Variants in ZGRF1 observed in about 807,000 individuals in gnomAD.
ZGRF1 encodes the protein zinc finger GRF-type containing 1.
Under a neutral mutation model 203.5 loss-of-function variants are expected in ZGRF1, and 196 were observed. That is an observed-to-expected ratio of 0.96 (90% CI 0.86 to 1.08). The LOEUF is 1.08. Among genes scored for constraint, ZGRF1 ranks in the 50% least tolerant of loss-of-function variants. The pLI is 0.00. For missense variants in ZGRF1, 2,326 were observed against 2,416.3 expected, an observed-to-expected ratio of 0.96 and a Z score of 0.78; for synonymous variants, 809 against 841.3, an observed-to-expected ratio of 0.96 and a Z score of 0.66.
chr4:112,598,271 T>C (rs1477572307), intron 10 of ZGRF1, among the ~76,000 whole-genome samples: 1 of 152,006 alleles, frequency 6.6e-6, no homozygotes. Flanking sequence ...TATTAAGGAG[T>C]ATTTTATACA....
intron 24 of ZGRF1, chr4:112,546,803 A>G (rs960810452): frequency 9.2e-5 from 14 of 152,336 alleles, no homozygotes; most frequent in African/African-American, 3.4e-4. Context: ...CGAAGCAAGA[A>G]GGCCCCTGCC....
Position 112,623,866 on chromosome 4 carries a change from T to C in ZGRF1, c.113A>G (p.Tyr38Cys). ...CTCCAAACATGCTCCTTTGTCATCA[T>C]ATAAAATTGCCTGTATGAAAACAAA... is the stretch of plus-strand genomic sequence containing the variant. The part of the protein sequence containing the change: ...ITHLGNKAIL[Y>C]DDKGACLESL... The change falls in exon 4 of 28, where the codon TAT (tyrosine) becomes TGT (cysteine). Residue 38 changes from tyrosine to cysteine, a missense_variant. Physicochemically the swap from Tyr to Cys is radical, Grantham distance 194. Transcript: ENST00000505019. The C allele has an allele frequency of 3.8e-6, 6 of 1,576,260 alleles. No homozygotes were observed. Among genetic ancestry groups the C allele is most frequent in the Non-Finnish European group, 5.2e-6 (6 of 1,150,596 alleles).
chr4:112,625,507 A>T (rs779451918), intron 3 of ZGRF1, among the ~76,000 whole-genome samples: 9 of 136,838 alleles, frequency 6.6e-5, no homozygotes, highest in Non-Finnish European at 1.4e-4. Context: ...ATGGCGTGAA[A>T]CCCGGGAGGC....
At chr4:112,624,396 G>T (rs1196548147) in intron 3 of ZGRF1, among the ~76,000 whole-genome samples, 2 of 151,852 alleles carry the variant, frequency 1.3e-5, no homozygotes, top group African/African-American at 4.8e-5. Context: ...TGACAGGGTT[G>T]CAGTGAGCTG....
At position 112,618,133 on chromosome 4, in the gene ZGRF1, C is replaced by T; in HGVS notation, c.1909G>A (p.Glu637Lys). The T allele has an allele frequency of 6.2e-7, 1 of 1,613,804 alleles. No homozygotes were observed. Residue 637 changes from glutamate (E) to lysine (K), a missense_variant, in exon 6 of 28, where the codon GAG becomes AAG. Physicochemically the swap from Glu to Lys is moderately conservative, Grantham distance 56. Coordinates refer to ENST00000505019, the MANE Select transcript of ZGRF1 (RefSeq NM_018392.5). ...KTENTGKEIE[E>K]YSDTLSNFES... ...AAATTGCTTAATGTGTCACTATACTCCTCTATTTCTTTTCCTGTGTTTTCA... is the reference window on the plus strand; with the variant it reads ...AAATTGCTTAATGTGTCACTATACTTCTCTATTTCTTTTCCTGTGTTTTCA...
At chr4:112,554,895 A>G in intron 20 of ZGRF1, 113 bp from the exon 21 acceptor site, 1 of 523,418 alleles carries the variant, frequency 1.9e-6, no homozygotes, top group Non-Finnish European at 3.2e-6. Flanking sequence ...TTAATTATAA[A>G]ATTTAATGTG....
chr4:112,594,037 G>A (rs1289506676), intron 10 of ZGRF1, among the ~76,000 whole-genome samples: 1 of 152,114 alleles, frequency 6.6e-6, no homozygotes, highest in African/African-American at 2.4e-5. Flanking sequence ...TTACAGGTGT[G>A]AGCCACCGTC....
intron 16 of ZGRF1, among the ~76,000 whole-genome samples, chr4:112,580,560 T>G (rs1746040596): frequency 6.6e-6 from 1 of 151,710 alleles, no homozygotes; most frequent in South Asian, 2.1e-4. Context: ...GAATCTACAA[T>G]GAACTCAAAC....
chr4:112,560,715 T>G lies in ZGRF1; in HGVS notation c.4960+18A>C. ...CAAATAGAAAACAATTACAATTATT[T>G]TCTTTCTTGCTTCTTACCATGTATG... On this transcript the variant is annotated intron_variant, in intron 19 of 27. Coordinates refer to ENST00000505019, the MANE Select transcript of ZGRF1 (RefSeq NM_018392.5). 1.9e-6 allele frequency: 3 copies of G among 1,544,872 alleles called. No individual in the cohort carries two copies. The highest frequency in any genetic ancestry group is 2.6e-6 in the Non-Finnish European group (3 of 1,141,332).
intron 16 of ZGRF1, among the ~76,000 whole-genome samples, chr4:112,572,682 C>A (rs1744412756): frequency 1.3e-5 from 2 of 152,208 alleles, no homozygotes; most frequent in South Asian, 4.1e-4. Flanking sequence ...TCAGAATCTA[C>A]AAGGAACTCA....
In ZGRF1 at chr4:112,589,974, T is replaced by C. The variant is rs1038182961; in HGVS notation, c.2977-100A>G. 4 of 852,538 alleles carry C rather than the reference T, an allele frequency of 4.7e-6. No individual in the cohort carries two copies. In the African/African-American group the frequency reaches 6.8e-5, roughly 15 times the overall value. 52.8% of individuals were successfully genotyped at this position (852,538 alleles called of 1,614,324 possible). ...AATCTATATTATAAAAATAATGATTTAAAGCACATTATGTAGAGCTATGGT... is the reference window on the plus strand; with the variant it reads ...AATCTATATTATAAAAATAATGATTCAAAGCACATTATGTAGAGCTATGGT... On this transcript the variant is annotated intron_variant, in intron 10 of 27. Coordinates refer to ENST00000505019, the MANE Select transcript of ZGRF1 (RefSeq NM_018392.5).
At chr4:112,564,248 G>A (rs969581191) in intron 16 of ZGRF1, among the ~76,000 whole-genome samples, 2 of 152,170 alleles carry the variant, frequency 1.3e-5, no homozygotes, top group Admixed American at 1.3e-4. Context: ...TTTCAGGAAA[G>A]CTGACCTTCC....
intron 20 of ZGRF1, among the ~76,000 whole-genome samples, chr4:112,556,918 T>C (rs1741050351): frequency 6.6e-6 from 1 of 152,216 alleles, no homozygotes; most frequent in Non-Finnish European, 1.5e-5. Context: ...GCCATTTATG[T>C]TGAAATTCAG....
At chr4:112,552,545 T>A (rs987919129) in intron 22 of ZGRF1, among the ~76,000 whole-genome samples, 3 of 152,180 alleles carry the variant, frequency 2.0e-5, no homozygotes, top group African/African-American at 7.2e-5. Flanking sequence ...TTTACATAAA[T>A]GACTAATTTG....
chr4:112,539,967 ATTCT>A lies in ZGRF1; in HGVS notation c.6064_6067del (p.Arg2022Ter). 6.2e-7 allele frequency: 1 copy of A among 1,613,882 alleles called. No homozygotes were observed. The highest frequency in any genetic ancestry group is 8.5e-7 in the Non-Finnish European group (1 of 1,179,830). ...CTTTCCTCTAGTCAATGCAACATTC[ATTCT>A]TTTTTCTGAATCAATGAATCCTACT... is the stretch of plus-strand genomic sequence containing the variant. On this transcript the variant is annotated frameshift_variant, in exon 27 of 28. Coordinates refer to ENST00000505019, the MANE Select transcript of ZGRF1 (RefSeq NM_018392.5). LOFTEE classifies it high-confidence loss of function.
chr4:112,589,078 C>T (rs1351360103), intron 11 of ZGRF1, among the ~76,000 whole-genome samples: 1 of 151,928 alleles, frequency 6.6e-6, no homozygotes, highest in African/African-American at 2.4e-5. Context: ...ATCATCCATC[C>T]AAAATCAAAA....
At chr4:112,552,022 A>G (rs766670421) in intron 22 of ZGRF1, among the ~76,000 whole-genome samples, 2 of 152,178 alleles carry the variant, frequency 1.3e-5, no homozygotes, top group Non-Finnish European at 2.9e-5. Context: ...TCATGCCTGT[A>G]ATCCCAGCAC....
chr4:112,588,799 G>T (rs934371721), intron 11 of ZGRF1, among the ~76,000 whole-genome samples: 10 of 152,084 alleles, frequency 6.6e-5, no homozygotes, highest in African/African-American at 2.2e-4. Flanking sequence ...CAGAGCAGTA[G>T]GTGAGCCAAT....
At position 112,589,767 on chromosome 4, in the gene ZGRF1, T is replaced by C. The variant is rs1747834294; in HGVS notation, c.3084A>G (p.Lys1028=). 6.2e-7 allele frequency: 1 copy of C among 1,613,856 alleles called. No individual in the cohort carries two copies. Among genetic ancestry groups the C allele is most frequent in the African/African-American group, 1.3e-5 (1 of 74,930 alleles). ...GAAGATCATCAGGTAAAGTTCTTGC[T>C]TTCAGGGACGTCTCAGAGAATTCTA... The part of the protein sequence containing the change: ...FMVEFSETSL[K]ARTLPDDLHF... The change falls in exon 11 of 28, where the codon AAA becomes AAG. Residue 1028 remains lysine, a synonymous_variant. Coordinates refer to ENST00000505019, the MANE Select transcript of ZGRF1 (RefSeq NM_018392.5).
Sources: gnomAD v4.1 joint callset for allele counts (sites outside exome capture counted in the v4.1 genomes callset) on GRCh38, gnomAD v4.1.1 for gene constraint, MANE v1.5 for transcripts, NCBI Gene and HGNC (gene_info 2026-07-23, HGNC 2026-07-21) for gene names.